TMEM232: variants seen among roughly 807,000 people sequenced by gnomAD.
TMEM232 encodes the protein transmembrane protein 232.
In TMEM232, 80 loss-of-function variants were observed where a neutral mutation model predicts 78.8. That is an observed-to-expected ratio of 1.01 (90% confidence interval 0.85 to 1.22). TMEM232 has a LOEUF of 1.22. Ranked by LOEUF, TMEM232 falls within the 50% of genes most tolerant of loss-of-function variation. TMEM232 has a pLI of 0.00. For missense variants in TMEM232, 881 were observed against 742.2 expected, an observed-to-expected ratio of 1.19 and a Z score of -2.17; for synonymous variants, 297 against 254.3, an observed-to-expected ratio of 1.17 and a Z score of -1.60.
chr5:110,703,750 G>C (rs1229736419), intron 1 of TMEM232, among the ~76,000 whole-genome samples: 2 of 152,036 alleles, frequency 1.3e-5, no homozygotes, highest in African/African-American at 4.8e-5. Context: ...TTGTGGGACA[G>C]ATAGTTCTCT....
chr5:110,531,254 C>CGCCT (rs978670771), intron 11 of TMEM232, among the ~76,000 whole-genome samples: 1 of 152,176 alleles, frequency 6.6e-6, no homozygotes, highest in Non-Finnish European at 1.5e-5. Context: ...AGACTCAGCC[C>CGCCT]GCCTGCACCC....
chr5:110,416,763 G>A (rs1756232069), downstream of TMEM232, among the ~76,000 whole-genome samples: 1 of 152,168 alleles, frequency 6.6e-6, no homozygotes, highest in East Asian at 1.9e-4. Flanking sequence ...TTCTAAAACT[G>A]TTGGTGTGAG....
chr5:110,676,002 TAAGTGAA>T (rs985852898), intron 1 of TMEM232, among the ~76,000 whole-genome samples: 66 of 152,346 alleles, frequency 4.3e-4, no homozygotes, highest in Non-Finnish European at 2.5e-4. Flanking sequence ...ATTCTACGTA[TAAGTGAA>T]AACATGGCAT....
At chr5:110,450,660 G>A (rs983342828) in intron 12 of TMEM232, among the ~76,000 whole-genome samples, 9 of 152,108 alleles carry the variant, frequency 5.9e-5, no homozygotes, top group African/African-American at 2.2e-4. Flanking sequence ...AACAGAGGCT[G>A]GATGTAAACA....
At chr5:110,584,005 G>A (rs1262127880) in intron 10 of TMEM232, among the ~76,000 whole-genome samples, 1 of 150,310 alleles carries the variant, frequency 6.7e-6, no homozygotes, top group Non-Finnish European at 1.5e-5. Context: ...ACAAGTGTCG[G>A]CAGGGTTGTG....
intron 2 of TMEM232, among the ~76,000 whole-genome samples, chr5:110,733,454 C>T (rs1798870681): frequency 6.6e-6 from 1 of 152,166 alleles, no homozygotes; most frequent in Non-Finnish European, 1.5e-5. Flanking sequence ...AAATGCCCAT[C>T]ACTGCCCATA....
intron 12 of TMEM232, among the ~76,000 whole-genome samples, chr5:110,520,046 T>TAGAG (rs1210013091): frequency 7.1e-6 from 1 of 140,372 alleles, no homozygotes; most frequent in Non-Finnish European, 1.5e-5. Context: ...TGTATATATA[T>TAGAG]ATATAGAGAG....
In TMEM232 at chr5:110,493,255, A is replaced by T. The variant is rs189437509; in HGVS notation, c.1703+35333T>A. On this transcript the variant is annotated intron_variant, in intron 12 of 13. Coordinates refer to ENST00000455884, the MANE Select transcript of TMEM232 (RefSeq NM_001039763.4). ...GAAAACTTAGTATCATAAAGGAGAA[A>T]ATTTTCCAAAATTAATTAATAAATT... Among the ~76,000 whole-genome samples the T allele has an allele frequency of 3.3e-3, 507 of 152,006 alleles. 2 individuals carry two copies. The highest frequency in any genetic ancestry group is 5.7e-3 in the Non-Finnish European group (385 of 67,926).
At chr5:110,449,244 A>C (rs758025577) in intron 12 of TMEM232, among the ~76,000 whole-genome samples, 11 of 152,104 alleles carry the variant, frequency 7.2e-5, no homozygotes, top group Admixed American at 2.0e-4. Context: ...ACTTTTTAAA[A>C]TACACACCTA....
intron 12 of TMEM232, among the ~76,000 whole-genome samples, chr5:110,425,175 C>G (rs938813841): frequency 1.3e-5 from 2 of 151,968 alleles, no homozygotes; most frequent in East Asian, 3.9e-4. Context: ...CTCCACAACC[C>G]TGAAAGTTCT....
At position 110,393,398 on chromosome 5, in the gene TMEM232, A is replaced by T. The variant is rs1467275945; in HGVS notation, n.391-2758T>A. 4.6e-5 allele frequency among the ~76,000 whole-genome samples: 7 copies of T among 152,298 alleles called. No homozygotes were observed. In the East Asian group the frequency reaches 1.3e-3, roughly 29 times the overall value. ...TGACCTCTTCATCATCATGTAATAT[A>T]CCTCTCTATCCTGCATAATATTCCT... is the stretch of plus-strand genomic sequence containing the variant. On this transcript the variant is annotated intron_variant and non_coding_transcript_variant, in intron 3 of 8. Coordinates refer to the TMEM232 transcript ENST00000507188.
intron 5 of TMEM232, among the ~76,000 whole-genome samples, chr5:110,628,426 T>C (rs1427404681): frequency 1.3e-5 from 2 of 151,964 alleles, no homozygotes; most frequent in South Asian, 2.1e-4. Context: ...TATTCCCTCA[T>C]GAAAAAAGAC....
chr5:110,536,700 T>C (rs375953960), intron 11 of TMEM232, among the ~76,000 whole-genome samples: 1 of 152,236 alleles, frequency 6.6e-6, no homozygotes, highest in Non-Finnish European at 1.5e-5. Flanking sequence ...ATGCAAAGAA[T>C]GTTATAAAGA....
At chr5:110,467,924 G>GT (rs199687128) in intron 12 of TMEM232, among the ~76,000 whole-genome samples, 4,385 of 151,984 alleles carry the variant, frequency 0.029, 71 homozygotes, top group African/African-American at 0.047. Context: ...CTTTGGCTTT[G>GT]GGTGCATCAC....
intron 2 of TMEM232, among the ~76,000 whole-genome samples, chr5:110,401,339 T>C (rs1755585663): frequency 6.6e-6 from 1 of 151,718 alleles, no homozygotes; most frequent in African/African-American, 2.4e-5. Context: ...AAATTTCAAG[T>C]GTCAATAATG....
At chr5:110,504,127 A>G (rs975585920) in intron 12 of TMEM232, among the ~76,000 whole-genome samples, 1 of 152,226 alleles carries the variant, frequency 6.6e-6, no homozygotes, top group Non-Finnish European at 1.5e-5. Flanking sequence ...TAAATATAAT[A>G]ATCACTTTAG....
At chr5:110,620,577 ATCTCTC>A (rs66736608) in intron 7 of TMEM232, among the ~76,000 whole-genome samples, 1,435 of 42,940 alleles carry the variant, frequency 0.033, 59 homozygotes, top group East Asian at 0.042. Context: ...TGTCTCTCAT[ATCTCTC>A]TCTCTCTCTC....
chr5:110,425,980 C>T (rs1452501717), intron 12 of TMEM232, among the ~76,000 whole-genome samples: 1 of 152,102 alleles, frequency 6.6e-6, no homozygotes, highest in East Asian at 1.9e-4. Flanking sequence ...TGCCTGGTTT[C>T]TCCAGACTTC....
chr5:110,661,416 A>ACC lies in TMEM232; in HGVS notation c.125+5810_125+5811dup, dbSNP rs59706915. Among the ~76,000 whole-genome samples, 10 of 150,882 alleles carry ACC rather than the reference A, an allele frequency of 6.6e-5. No homozygotes were observed. In the East Asian group the frequency reaches 2.0e-3, roughly 30 times the overall value. Reference sequence around the variant, plus strand: ...AATCTCTACCTCTAGGTCTCAAGTAACCCCCCCCACCTCATCTTCCTGGGT... The same window carrying ACC: ...AATCTCTACCTCTAGGTCTCAAGTAACCCCCCCCCCACCTCATCTTCCTGGGT... On this transcript the variant is annotated intron_variant, in intron 2 of 13. Coordinates refer to ENST00000455884, the MANE Select transcript of TMEM232 (RefSeq NM_001039763.4).
Sources: allele counts gnomAD v4.1 joint callset (sites outside exome capture counted in the v4.1 genomes callset), GRCh38; gene constraint gnomAD v4.1.1; transcripts MANE v1.5; gene names NCBI Gene and HGNC (gene_info 2026-07-23, HGNC 2026-07-21).